PLAAT3: variants seen among roughly 807,000 people sequenced by gnomAD.
The protein encoded by PLAAT3 is Ca-independent phospholipase A1/2.
In PLAAT3, 21 loss-of-function variants were observed where a neutral mutation model predicts 16.7. That is an observed-to-expected ratio of 1.26 (90% CI 0.89 to 1.81). The LOEUF is 1.81. PLAAT3 is among the 40% of genes most tolerant of loss of function. PLAAT3 has a pLI of 0.00. For missense variants in PLAAT3, 219 were observed against 213.7 expected (o/e 1.02, Z -0.16); for synonymous variants, 76 against 81.7 (o/e 0.93, Z 0.38).
At chr11:63,578,979 A>C (rs995414467) in intron 4 of PLAAT3, among the ~76,000 whole-genome samples, 5 of 152,256 alleles carry the variant, frequency 3.3e-5, no homozygotes, top group African/African-American at 1.2e-4. Flanking sequence ...CTCATCTGAC[A>C]AAGGGCTAAT....
At chr11:63,586,897 G>A (rs1383283638) in intron 4 of PLAAT3, among the ~76,000 whole-genome samples, 3 of 152,118 alleles carry the variant, frequency 2.0e-5, no homozygotes, top group Admixed American at 6.6e-5. Context: ...CAGCCTGGCC[G>A]ATATGGGGAA....
intron 2 of PLAAT3, among the ~76,000 whole-genome samples, chr11:63,603,153 A>G (rs1938471415): frequency 6.6e-6 from 1 of 152,148 alleles, no homozygotes; most frequent in East Asian, 1.9e-4. Flanking sequence ...AAGTTTGCCA[A>G]CCCCTATTGT....
At chr11:63,610,211 T>C (rs1938660518) in intron 2 of PLAAT3, among the ~76,000 whole-genome samples, 1 of 152,198 alleles carries the variant, frequency 6.6e-6, no homozygotes, top group Non-Finnish European at 1.5e-5. Context: ...CGGCCTGAAA[T>C]GCCCTTTTGC....
At chr11:63,615,096 A>ATGTGTATATATGTGTGTATATG (rs1938811658), upstream of PLAAT3, among the ~76,000 whole-genome samples, 1 of 119,304 alleles carries the variant, frequency 8.4e-6, no homozygotes, top group African/African-American at 2.9e-5. Flanking sequence ...ATGTGTATAT[A>ATGTGTATATATGTGTGTATATG]TGTGTATATA....
intron 3 of PLAAT3, among the ~76,000 whole-genome samples, chr11:63,596,754 A>G (rs1350458329): frequency 6.6e-6 from 1 of 152,042 alleles, no homozygotes; most frequent in Non-Finnish European, 1.5e-5. Context: ...GATTTCCCTC[A>G]TGCTGTTCTC....
intron 2 of PLAAT3, among the ~76,000 whole-genome samples, chr11:63,606,965 A>AGAGAT (rs1162525854): frequency 6.6e-6 from 1 of 152,154 alleles, no homozygotes; most frequent in Non-Finnish European, 1.5e-5. Context: ...TCCGTTGAGA[A>AGAGAT]GAGATGAGAT....
At chr11:63,583,111 C>T (rs1349213785) in intron 4 of PLAAT3, among the ~76,000 whole-genome samples, 2 of 151,946 alleles carry the variant, frequency 1.3e-5, no homozygotes. Flanking sequence ...GCCTGGGTGA[C>T]AGAGTGAGAC....
upstream of PLAAT3, among the ~76,000 whole-genome samples, chr11:63,615,050 A>ATG (rs1565259535): frequency 3.3e-3 from 128 of 38,716 alleles, 9 homozygotes; most frequent in African/African-American, 6.4e-3. Flanking sequence ...ATGTATATAT[A>ATG]TGTGTATATA....
chr11:63,583,182 T>C (rs1311387166), intron 4 of PLAAT3, among the ~76,000 whole-genome samples: 1 of 152,134 alleles, frequency 6.6e-6, no homozygotes, highest in Non-Finnish European at 1.5e-5. Context: ...AAAGTTTGGA[T>C]GGAGCTACCA....
upstream of PLAAT3, among the ~76,000 whole-genome samples, chr11:63,615,052 G>GTCTATA (rs1313889361): frequency 2.1e-4 from 2 of 9,754 alleles, 1 homozygote; most frequent in Admixed American, 6.0e-3. Context: ...GTATATATAT[G>GTCTATA]TGTATATATA....
chr11:63,601,792 A>G (rs1325290985), intron 2 of PLAAT3, among the ~76,000 whole-genome samples: 1 of 152,160 alleles, frequency 6.6e-6, no homozygotes, highest in East Asian at 1.9e-4. Flanking sequence ...GCTGGCCAAC[A>G]TGGTGAAGCC....
chr11:63,615,109 T>C (rs1170902452), upstream of PLAAT3, among the ~76,000 whole-genome samples: 1 of 105,810 alleles, frequency 9.5e-6, no homozygotes. Context: ...TGTATATATG[T>C]GTGTATATAT....
chr11:63,601,631 C>T (rs551090874), intron 2 of PLAAT3, among the ~76,000 whole-genome samples: 4 of 151,968 alleles, frequency 2.6e-5, no homozygotes, highest in African/African-American at 9.6e-5. Context: ...AAAGACACTG[C>T]GAAGTGGAAA....
At chr11:63,577,562 A>T (rs1327133549) in intron 4 of PLAAT3, among the ~76,000 whole-genome samples, 1 of 151,082 alleles carries the variant, frequency 6.6e-6, no homozygotes, top group Admixed American at 6.6e-5. Flanking sequence ...AAAAAAAAAT[A>T]GCAATCTGGA....
At chr11:63,615,218 G>A (rs1313487600), upstream of PLAAT3, among the ~76,000 whole-genome samples, 1 of 60,786 alleles carries the variant, frequency 1.6e-5, no homozygotes, top group African/African-American at 5.5e-5. Flanking sequence ...GTATATATAT[G>A]TGTATATATG....
chr11:63,584,514 T>TTTG (rs1937911953), intron 4 of PLAAT3, among the ~76,000 whole-genome samples: 1 of 151,106 alleles, frequency 6.6e-6, no homozygotes. Flanking sequence ...TTTTGTTTTT[T>TTTG]TTTGTTTTTT....
At chr11:63,588,302 G>A (rs935974961) in intron 4 of PLAAT3, among the ~76,000 whole-genome samples, 4 of 151,962 alleles carry the variant, frequency 2.6e-5, no homozygotes, top group Non-Finnish European at 4.4e-5. Flanking sequence ...ACTCCTGACC[G>A]CAAGTGGTCT....
chr11:63,585,504 A>AGC (rs1937949211), intron 4 of PLAAT3, among the ~76,000 whole-genome samples: 1 of 152,050 alleles, frequency 6.6e-6, no homozygotes, highest in Non-Finnish European at 1.5e-5. Context: ...GGATGCTGCT[A>AGC]AGCATCCTAC....
upstream of PLAAT3, among the ~76,000 whole-genome samples, chr11:63,615,242 A>ATATGTG (rs773527764): frequency 5.3e-5 from 1 of 19,030 alleles, no homozygotes. Flanking sequence ...ATATATGTGT[A>ATATGTG]TATATGTGTG....
Sources: allele counts gnomAD v4.1 joint callset (sites outside exome capture counted in the v4.1 genomes callset), GRCh38; gene constraint gnomAD v4.1.1; transcripts MANE v1.5; gene names NCBI Gene and HGNC (gene_info 2026-07-23, HGNC 2026-07-21).